BACH2: variants seen among roughly 807,000 people sequenced by gnomAD.
BACH2 encodes the protein BACH transcriptional regulator 2.
In BACH2, 5 loss-of-function variants were observed where a neutral mutation model predicts 61.8. That is an observed-to-expected ratio of 0.08 (90% CI 0.04 to 0.17). The LOEUF is 0.17. Ranked by LOEUF, BACH2 falls within the 10% of genes least tolerant of loss-of-function variation. BACH2 has a pLI of 1.00. For synonymous variants in BACH2, 446 were observed against 440.1 expected (o/e 1.01, Z -0.17); for missense variants, 824 against 1,091.1 (o/e 0.76, Z 3.45).
intron 4 of BACH2, among the ~76,000 whole-genome samples, chr6:90,102,698 G>C (rs1172978469): frequency 1.3e-5 from 2 of 151,548 alleles, no homozygotes; most frequent in Admixed American, 1.3e-4. Flanking sequence ...GACGAGGCAG[G>C]AGAATCACTT....
In BACH2 at chr6:89,973,092, AAAC is replaced by A. The variant is rs540650754; in HGVS notation, c.244-21233_244-21231del. Among the ~76,000 whole-genome samples, 55 of 152,212 alleles carry A rather than the reference AAAC, an allele frequency of 3.6e-4. 1 individual carries two copies. The South Asian group carries it at 8.1e-3, about 22-fold the overall frequency. ...GCAACAAGAGCGAAATTCCATTTCAAAACAACAACAACAACAAAAACAAAGATG... is the reference window on the plus strand; with the variant it reads ...GCAACAAGAGCGAAATTCCATTTCAAAACAACAACAACAAAAACAAAGATG... On this transcript the variant is annotated intron_variant, in intron 6 of 8. Transcript: ENST00000257749.
At chr6:90,286,132 C>T (rs1772009601) in intron 1 of BACH2, among the ~76,000 whole-genome samples, 1 of 152,184 alleles carries the variant, frequency 6.6e-6, no homozygotes, top group East Asian at 1.9e-4. Flanking sequence ...TTAATTTTAA[C>T]TAGATTTAAC....
chr6:89,975,190 A>C (rs1302604059), intron 6 of BACH2, among the ~76,000 whole-genome samples: 1 of 152,196 alleles, frequency 6.6e-6, no homozygotes, highest in Admixed American at 6.5e-5. Flanking sequence ...AAAGCTTCAG[A>C]TGCAGATTTT....
At chr6:90,195,510 T>C (rs1279073282) in intron 4 of BACH2, among the ~76,000 whole-genome samples, 1 of 152,102 alleles carries the variant, frequency 6.6e-6, no homozygotes, top group African/African-American at 2.4e-5. Flanking sequence ...ATCTAGTCTG[T>C]GAGATCAAAG....
chr6:90,061,718 C>T (rs568378350), intron 5 of BACH2, among the ~76,000 whole-genome samples: 12 of 152,108 alleles, frequency 7.9e-5, no homozygotes, highest in African/African-American at 2.9e-4. Flanking sequence ...AAAAAATCCA[C>T]GAGAGGAGCT....
intron 5 of BACH2, among the ~76,000 whole-genome samples, chr6:90,078,388 G>A (rs1473469480): frequency 6.6e-6 from 1 of 152,110 alleles, no homozygotes; most frequent in Non-Finnish European, 1.5e-5. Context: ...AAAGGAAAGA[G>A]AGGCTTACAT....
chr6:90,209,010 A>G (rs1408305037), intron 3 of BACH2, among the ~76,000 whole-genome samples: 1 of 140,084 alleles, frequency 7.1e-6, no homozygotes. Context: ...CAATGAGAAC[A>G]TATGGACACA....
intron 4 of BACH2, among the ~76,000 whole-genome samples, chr6:90,108,896 T>C (rs1157901831): frequency 1.3e-5 from 2 of 152,194 alleles, no homozygotes; most frequent in Non-Finnish European, 2.9e-5. Flanking sequence ...TCCTCAGGAA[T>C]CAATCACTAT....
At chr6:90,166,082 T>C (rs769916874) in intron 4 of BACH2, among the ~76,000 whole-genome samples, 1 of 151,962 alleles carries the variant, frequency 6.6e-6, no homozygotes, top group Non-Finnish European at 1.5e-5. Context: ...ACTAAAGAGC[T>C]TCTGCACAGC....
At chr6:89,941,709 G>T (rs956236626) in intron 7 of BACH2, among the ~76,000 whole-genome samples, 3 of 152,206 alleles carry the variant, frequency 2.0e-5, no homozygotes, top group Non-Finnish European at 4.4e-5. Context: ...ACACAGCAGA[G>T]GTGGTGGCGC....
intron 6 of BACH2, among the ~76,000 whole-genome samples, chr6:89,956,744 C>T (rs1335697351): frequency 6.6e-6 from 1 of 152,180 alleles, no homozygotes; most frequent in Non-Finnish European, 1.5e-5. Flanking sequence ...AGTCAGCCTT[C>T]AGGCATTTAT....
chr6:90,116,016 G>T (rs1385454180), intron 4 of BACH2, among the ~76,000 whole-genome samples: 5 of 152,052 alleles, frequency 3.3e-5, no homozygotes, highest in African/African-American at 4.8e-5. Context: ...TAACATTCTG[G>T]CAAAGTTGCA....
intron 4 of BACH2, among the ~76,000 whole-genome samples, chr6:90,192,899 C>G (rs1747894035): frequency 6.6e-6 from 1 of 152,230 alleles, no homozygotes; most frequent in Admixed American, 6.5e-5. Flanking sequence ...ACACTGATTA[C>G]CTTTTTGAGA....
intron 3 of BACH2, chr6:90,217,830 T>C (rs1769591196): frequency 6.6e-6 from 1 of 152,164 alleles, no homozygotes; most frequent in Non-Finnish European, 1.5e-5. Context: ...TGCCATGATG[T>C]GAGAGTTGGT....
At chr6:90,128,050 C>T (rs1783930937) in intron 4 of BACH2, among the ~76,000 whole-genome samples, 1 of 152,140 alleles carries the variant, frequency 6.6e-6, no homozygotes, top group Non-Finnish European at 1.5e-5. Context: ...ATCTCCATTT[C>T]CCCAGCCATG....
intron 6 of BACH2, among the ~76,000 whole-genome samples, chr6:89,960,201 A>G (rs980246912): frequency 1.3e-5 from 2 of 152,044 alleles, no homozygotes; most frequent in Admixed American, 6.5e-5. Context: ...TGTGTAACCA[A>G]TTTCCTGTTT....
intron 4 of BACH2, among the ~76,000 whole-genome samples, chr6:90,200,120 T>C (rs1768907871): frequency 6.6e-6 from 1 of 152,206 alleles, no homozygotes; most frequent in South Asian, 2.1e-4. Context: ...TGTCATTGCA[T>C]GTCACAGTCT....
Position 89,993,027 on chromosome 6 carries a change from C to T in BACH2, c.243+15575G>A, listed in dbSNP as rs146506527. Among the ~76,000 whole-genome samples the T allele has an allele frequency of 5.1e-3, 778 of 152,244 alleles. 5 individuals carry two copies. Among genetic ancestry groups the T allele is most frequent in the African/African-American group, 0.017 (723 of 41,552 alleles). ...GAGACACCAGAGCACTGTCCACACA[C>T]GCACAGAGGAAAGGCTATGTGAGGA... On this transcript the variant is annotated intron_variant, in intron 6 of 8. Coordinates refer to ENST00000257749, the MANE Select transcript of BACH2 (RefSeq NM_021813.4).
chr6:90,239,476 A>T (rs1014582493), intron 3 of BACH2, among the ~76,000 whole-genome samples: 20 of 152,202 alleles, frequency 1.3e-4, no homozygotes, highest in African/African-American at 4.8e-4. Flanking sequence ...GCTGGCTCTA[A>T]AATTACAGCA....
Sources: gnomAD v4.1 joint callset for allele counts (sites outside exome capture counted in the v4.1 genomes callset) on GRCh38, gnomAD v4.1.1 for gene constraint, MANE v1.5 for transcripts, NCBI Gene and HGNC (gene_info 2026-07-23, HGNC 2026-07-21) for gene names.